Variants in WWOX observed in about 807,000 individuals in gnomAD.
WWOX encodes the protein WW domain containing oxidoreductase, also known as WW domain-containing oxidoreductase.
A neutral mutation model predicts 46.2 loss-of-function variants in WWOX; 69 were observed. The observed-to-expected ratio is 1.49, with a 90% CI of 1.23 to 1.82. The LOEUF (loss-of-function observed/expected upper bound fraction) is 1.82, where lower values mean the gene tolerates loss of function less well. WWOX is among the 40% of genes most tolerant of loss of function. The probability of loss-of-function intolerance (pLI) is 0.00; values close to 1 mark genes in which losing one functional copy is unlikely to be tolerated. For synonymous variants in WWOX, 359 were observed against 202.6 expected (o/e 1.77, Z -6.56); for missense variants, 919 against 542.6 (o/e 1.69, Z -6.89).
chr16:78,765,919 G>C (rs999522505), intron 8 of WWOX, among the ~76,000 whole-genome samples: 1 of 152,196 alleles, frequency 6.6e-6, no homozygotes, highest in Non-Finnish European at 1.5e-5. Context: ...ATGCCCATTG[G>C]TGTGAGGAGT....
chr16:78,563,154 A>G (rs145937487), intron 8 of WWOX, among the ~76,000 whole-genome samples: 2 of 152,182 alleles, frequency 1.3e-5, no homozygotes, highest in African/African-American at 4.8e-5. Flanking sequence ...GATTTCTCCA[A>G]AAGGATGTCT....
intron 8 of WWOX, among the ~76,000 whole-genome samples, chr16:79,179,825 C>A (rs1221575941): frequency 6.6e-6 from 1 of 152,218 alleles, no homozygotes; most frequent in Non-Finnish European, 1.5e-5. Flanking sequence ...TGTTTTTAAA[C>A]ATTTCAGCAG....
At chr16:78,423,233 C>G (rs542415187) in intron 6 of WWOX, among the ~76,000 whole-genome samples, 3 of 152,140 alleles carry the variant, frequency 2.0e-5, no homozygotes, top group East Asian at 3.9e-4. Flanking sequence ...CTTTCTCTTT[C>G]TCTGTTTCTG....
intron 5 of WWOX, among the ~76,000 whole-genome samples, chr16:78,314,687 G>GTT (rs1567494414): frequency 9.5e-4 from 87 of 92,014 alleles, no homozygotes; most frequent in African/African-American, 4.8e-3. Context: ...ACCCTGCAGG[G>GTT]GTTTTTTTTT....
intron 5 of WWOX, among the ~76,000 whole-genome samples, chr16:78,216,246 C>G (rs370698710): frequency 6.6e-6 from 1 of 152,092 alleles, no homozygotes; most frequent in African/African-American, 2.4e-5. Flanking sequence ...ATTTTTTGGT[C>G]TTTATAATCC....
At chr16:78,335,288 C>G (rs2080862699) in intron 5 of WWOX, among the ~76,000 whole-genome samples, 1 of 152,162 alleles carries the variant, frequency 6.6e-6, no homozygotes, top group Admixed American at 6.5e-5. Flanking sequence ...TTCCCACCAC[C>G]TGCAAGCCCC....
intron 8 of WWOX, among the ~76,000 whole-genome samples, chr16:78,666,545 A>G (rs1032580159): frequency 1.3e-5 from 2 of 152,180 alleles, no homozygotes; most frequent in Admixed American, 6.5e-5. Context: ...ACTCTCTAGA[A>G]CCATTTGATT....
chr16:78,258,827 C>T (rs2151834841), intron 5 of WWOX, among the ~76,000 whole-genome samples: 1 of 147,918 alleles, frequency 6.8e-6, no homozygotes, highest in South Asian at 2.2e-4. Flanking sequence ...GTAAAAGAAA[C>T]ATTTATGGAA....
chr16:79,052,632 G>A (rs889190869), intron 8 of WWOX, among the ~76,000 whole-genome samples: 23 of 152,290 alleles, frequency 1.5e-4, no homozygotes, highest in Middle Eastern at 6.8e-3. Flanking sequence ...CAGAATGTGA[G>A]GTCCCTTTCC....
At chr16:79,101,890 T>G (rs1172989835) in intron 8 of WWOX, 2 of 151,338 alleles carry the variant, frequency 1.3e-5, no homozygotes, top group Admixed American at 1.3e-4. Flanking sequence ...GTGGAAGGCT[T>G]TCATGCATGA....
At chr16:79,055,201 G>A (rs1327639917) in intron 8 of WWOX, among the ~76,000 whole-genome samples, 2 of 152,150 alleles carry the variant, frequency 1.3e-5, no homozygotes, top group Non-Finnish European at 2.9e-5. Context: ...GTGATTACCA[G>A]GACACTTGCT....
chr16:78,892,759 C>G (rs2044618798), intron 8 of WWOX, among the ~76,000 whole-genome samples: 1 of 152,192 alleles, frequency 6.6e-6, no homozygotes, highest in African/African-American at 2.4e-5. Flanking sequence ...CCACAACTTT[C>G]TAACCTCTGT....
rs186785703 is a variant in WWOX, at chr16:78,613,188, T to A, written c.1056+180436T>A. ...CCATGCCTTTTGATGCTGGTGCCCATCACCCCGATCACATGAACGTCTATG... is the reference window on the plus strand; with the variant it reads ...CCATGCCTTTTGATGCTGGTGCCCAACACCCCGATCACATGAACGTCTATG... On this transcript the variant is annotated intron_variant, in intron 8 of 8. Coordinates refer to ENST00000566780, the MANE Select transcript of WWOX (RefSeq NM_016373.4). 8.5e-3 allele frequency among the ~76,000 whole-genome samples: 1,298 copies of A among 152,228 alleles called. 13 individuals are homozygous for A. Among genetic ancestry groups the A allele is most frequent in the Non-Finnish European group, 0.013 (858 of 68,012 alleles).
chr16:78,928,718 C>T (rs2151278322), intron 8 of WWOX, among the ~76,000 whole-genome samples: 1 of 152,154 alleles, frequency 6.6e-6, no homozygotes, highest in East Asian at 1.9e-4. Context: ...GGCTCTCTTT[C>T]ATCAACACTT....
chr16:78,486,905 C>T (rs1316966757), intron 8 of WWOX, among the ~76,000 whole-genome samples: 2 of 152,124 alleles, frequency 1.3e-5, no homozygotes, highest in Admixed American at 6.5e-5. Context: ...ACCTTGGGTT[C>T]GGGTGAAGTT....
chr16:78,868,269 C>G (rs568754546), intron 8 of WWOX, among the ~76,000 whole-genome samples: 10 of 152,192 alleles, frequency 6.6e-5, no homozygotes, highest in Admixed American at 2.0e-4. Flanking sequence ...GTGAAGGAAG[C>G]CGGTCATAAA....
At chr16:78,686,693 A>G (rs1211259323) in intron 8 of WWOX, among the ~76,000 whole-genome samples, 1 of 152,132 alleles carries the variant, frequency 6.6e-6, no homozygotes, top group African/African-American at 2.4e-5. Context: ...TTTTCCGGGA[A>G]TCCAGTTGTT....
intron 8 of WWOX, among the ~76,000 whole-genome samples, chr16:78,533,933 C>A (rs967405433): frequency 6.6e-6 from 1 of 152,184 alleles, no homozygotes; most frequent in Non-Finnish European, 1.5e-5. Flanking sequence ...GTAACCAGTA[C>A]AGTGCCAGAT....
chr16:78,418,441 T>C (rs961789144), intron 6 of WWOX, among the ~76,000 whole-genome samples: 7 of 152,006 alleles, frequency 4.6e-5, no homozygotes, highest in East Asian at 1.9e-4. Flanking sequence ...GGAAACACTT[T>C]CCATCTGACA....
Sources: allele counts gnomAD v4.1 joint callset (sites outside exome capture counted in the v4.1 genomes callset), GRCh38; gene constraint gnomAD v4.1.1; transcripts MANE v1.5; gene names NCBI Gene and HGNC (gene_info 2026-07-23, HGNC 2026-07-21).